Variants in ARHGEF11 observed in about 807,000 individuals in gnomAD.
ARHGEF11 encodes the protein Rho guanine nucleotide exchange factor 11.
A neutral mutation model predicts 193.7 loss-of-function variants in ARHGEF11; 55 were observed. That is an observed-to-expected ratio of 0.28 (90% confidence interval 0.23 to 0.36). The LOEUF is 0.36. ARHGEF11 is among the 10% of genes least tolerant of loss of function. The pLI, the probability that ARHGEF11 is intolerant of heterozygous loss-of-function variation, is 1.00. For missense variants in ARHGEF11, 1,723 were observed against 2,005.6 expected (o/e 0.86, Z 2.69); for synonymous variants, 693 against 768.0 (o/e 0.90, Z 1.62).
chr1:156,960,895 C>T (rs1255037959), intron 14 of ARHGEF11, among the ~76,000 whole-genome samples: 1 of 152,196 alleles, frequency 6.6e-6, no homozygotes, highest in Non-Finnish European at 1.5e-5. Flanking sequence ...GGTGTTCTGG[C>T]TTTTGCTACA....
At chr1:156,961,437 T>G (rs6662446) in intron 14 of ARHGEF11, among the ~76,000 whole-genome samples, 3,272 of 152,244 alleles carry the variant, frequency 0.021, 116 homozygotes, top group African/African-American at 0.075. Flanking sequence ...TTTGGTACAA[T>G]CTCTTCCTCC....
chr1:156,984,214 TGGAGAA>T, intron 3 of ARHGEF11, 119 bp downstream of exon 3: 4 of 726,064 alleles, frequency 5.5e-6, no homozygotes, highest in Non-Finnish European at 8.7e-6. Flanking sequence ...CACGCACCCA[TGGAGAA>T]CCAGTTCTAG....
At chr1:156,991,777 C>T (rs112921903) in intron 1 of ARHGEF11, among the ~76,000 whole-genome samples, 2,152 of 120,476 alleles carry the variant, frequency 0.018, 57 homozygotes, top group African/African-American at 0.058. Flanking sequence ...AGTGCAGTGG[C>T]GGGATCTCGG....
chr1:157,017,865 A>C (rs1031155108), intron 1 of ARHGEF11, among the ~76,000 whole-genome samples: 1 of 152,096 alleles, frequency 6.6e-6, no homozygotes, highest in Non-Finnish European at 1.5e-5. Flanking sequence ...AACTCATAAA[A>C]CATACAGATT....
intron 1 of ARHGEF11, among the ~76,000 whole-genome samples, chr1:157,031,928 T>C (rs1671359401): frequency 1.3e-5 from 2 of 152,176 alleles, no homozygotes; most frequent in Non-Finnish European, 2.9e-5. Context: ...CAAGGATCCT[T>C]ACCACTGGAA....
At chr1:156,958,543 C>T (rs1660296619) in intron 17 of ARHGEF11, among the ~76,000 whole-genome samples, 199 bp downstream of exon 17, 1 of 152,198 alleles carries the variant, frequency 6.6e-6, no homozygotes, top group Non-Finnish European at 1.5e-5. Context: ...CTATCAGGAG[C>T]TCCAGGCTCT....
At chr1:156,976,911 A>C (rs1162076595) in intron 7 of ARHGEF11, 72 bp downstream of exon 7, 1 of 1,382,940 alleles carries the variant, frequency 7.2e-7, no homozygotes, top group African/African-American at 1.4e-5. Flanking sequence ...AGTTGTGTAC[A>C]TTGGCAGGCT....
chr1:156,938,575 G>A (rs867568075), intron 37 of ARHGEF11, 62 bp from the exon 38 acceptor site: 3 of 1,530,472 alleles, frequency 2.0e-6, no homozygotes, highest in Middle Eastern at 3.4e-4. Context: ...AGGGAAGGGA[G>A]AGAGAACAGG....
At chr1:157,014,472 A>G (rs1340268927) in intron 1 of ARHGEF11, among the ~76,000 whole-genome samples, 3 of 151,648 alleles carry the variant, frequency 2.0e-5, no homozygotes, top group African/African-American at 7.3e-5. Flanking sequence ...TAGTGGTGCC[A>G]CTGTAGCTTA....
chr1:156,948,454 C>T lies in ARHGEF11; in HGVS notation c.1970G>A (p.Gly657Asp), dbSNP rs1455906639. 1 of 1,614,126 alleles carries T rather than the reference C, an allele frequency of 6.2e-7. No homozygotes were observed. The highest frequency in any genetic ancestry group is 8.5e-7 in the Non-Finnish European group (1 of 1,180,056). Residue 657 changes from glycine to aspartate, a missense_variant, in exon 23 of 41, where the codon GGC (glycine) becomes GAC (aspartate). This residue lies in a region of ARHGEF11 where 491 missense variants were observed against 654.5 expected (regional missense o/e 0.75). Coordinates refer to ENST00000368194, the MANE Select transcript of ARHGEF11 (RefSeq NM_198236.3). This position sits in a 1 kb window ranked among gnomAD's most constrained non-coding sequence, Gnocchi z 4.2. ...TCGAGACCGTTTCATCTCTTCCCGG[C>T]CCTTGAGGCTTTCAGAGCGGCCCAG... ...IRLGRSESLKGREEMKRSRKA... is the reference protein window; with the variant it reads ...IRLGRSESLKDREEMKRSRKA...
At chr1:157,015,743 A>T (rs1669137616) in intron 1 of ARHGEF11, among the ~76,000 whole-genome samples, 1 of 152,198 alleles carries the variant, frequency 6.6e-6, no homozygotes, top group Non-Finnish European at 1.5e-5. Flanking sequence ...TTTCCACTGG[A>T]GGAGGAAGCA....
At position 156,957,835 on chromosome 1, in the gene ARHGEF11, AG is replaced by A; in HGVS notation, c.1503-21del. 1 of 1,613,964 alleles carries A rather than the reference AG, an allele frequency of 6.2e-7. No homozygotes were observed. Among genetic ancestry groups the A allele is most frequent in the South Asian group, 1.1e-5 (1 of 91,084 alleles). On this transcript the variant is annotated intron_variant, in intron 17 of 40. Coordinates refer to ENST00000368194, the MANE Select transcript of ARHGEF11 (RefSeq NM_198236.3). ...TTGGACCTGGAATGGAAGAAAGAAC[AG>A]ATGACTCAGACTGCAAAGACAGAGG... is the stretch of plus-strand genomic sequence containing the variant.
At chr1:156,997,478 T>C (rs1214811092) in intron 1 of ARHGEF11, among the ~76,000 whole-genome samples, 2 of 152,164 alleles carry the variant, frequency 1.3e-5, no homozygotes, top group African/African-American at 4.8e-5. Context: ...TAGAGTGGCC[T>C]GGAGGAGGAA....
intron 3 of ARHGEF11, among the ~76,000 whole-genome samples, chr1:156,983,567 G>A (rs1664509690): frequency 6.6e-6 from 1 of 152,188 alleles, no homozygotes; most frequent in African/African-American, 2.4e-5. Context: ...ACCACCAACA[G>A]TGGTTCCACT....
At chr1:156,951,732 C>T in intron 21 of ARHGEF11, 33 bp from the exon 22 acceptor site, 1 of 1,613,130 alleles carries the variant, frequency 6.2e-7, no homozygotes, top group Non-Finnish European at 8.5e-7. Context: ...GGACACTAGG[C>T]TTGCTGTTCA....
rs751203515 is a variant in ARHGEF11 at position 156,936,045 on chromosome 1, G to C, written c.4644C>G (p.Pro1548=). ...GPCPEDGSDA[P]LEDSTADAAA... Reference sequence around the variant, plus strand: ...CTGCGTCTGCTGTGCTGTCTTCCAGGGGGGCGTCAGAGCCTGTGGGAGGAG... The same window carrying C: ...CTGCGTCTGCTGTGCTGTCTTCCAGCGGGGCGTCAGAGCCTGTGGGAGGAG... Residue 1548 remains proline, a synonymous_variant, in exon 41 of 41, where the codon CCC becomes CCG. Transcript: ENST00000368194. 2.7e-5 allele frequency: 43 copies of C among 1,614,044 alleles called. No individual in the cohort carries two copies. The highest frequency in any genetic ancestry group is 6.7e-5 in the African/African-American group (5 of 75,032).
intron 15 of ARHGEF11, among the ~76,000 whole-genome samples, chr1:156,959,943 C>CCCAA (rs1553204878): frequency 4.6e-4 from 45 of 97,140 alleles, no homozygotes; most frequent in African/African-American, 1.2e-3. Context: ...CCCCCCCCCC[C>CCCAA]AAAAAAAACA....
chr1:157,020,410 C>T lies in ARHGEF11; in HGVS notation c.32+23889G>A, dbSNP rs901810195. ...ACTCAATTATAGAGATGCAGGTACT[C>T]GCTCTTTTTAGTGGTAATATAAGGC... On this transcript the variant is annotated intron_variant, in intron 1 of 40. Transcript: ENST00000368194. Among the ~76,000 whole-genome samples, 10 of 152,170 alleles carry T rather than the reference C, an allele frequency of 6.6e-5. 1 individual carries two copies. Among genetic ancestry groups the T allele is most frequent in the South Asian group, 6.2e-4 (3 of 4,830 alleles).
At position 156,940,258 on chromosome 1, in the gene ARHGEF11, A is replaced by G. The variant is rs1488189502; in HGVS notation, c.3682T>C (p.Phe1228Leu). Residue 1228 changes from phenylalanine to leucine, a missense_variant, in exon 36 of 41, where the codon TTC (phenylalanine) becomes CTC (leucine). Transcript: ENST00000368194. ...CCTTCCATGAACAGAGGGCCTGGGA[A>G]GGCCAAGTGGATGGGGTTCCTTGTC... ...IRTRNPIHLA[F>L]PGPLFMEGLA... The G allele has an allele frequency of 6.2e-7, 1 of 1,610,452 alleles. No individual in the cohort carries two copies. The highest frequency in any genetic ancestry group is 8.5e-7 in the Non-Finnish European group (1 of 1,177,438).
Sources: allele counts gnomAD v4.1 joint callset (sites outside exome capture counted in the v4.1 genomes callset), GRCh38; gene constraint gnomAD v4.1.1; regional missense constraint gnomAD v4.1.1; non-coding constraint Gnocchi (gnomAD v3.1); transcripts MANE v1.5; gene names NCBI Gene and HGNC (gene_info 2026-07-23, HGNC 2026-07-21).